The following ANKS1B variants were observed in gnomAD, a reference collection of about 807,000 sequenced individuals.
ANKS1B encodes the protein ankyrin repeat and sterile alpha motif domain-containing protein 1B.
In ANKS1B, 36 loss-of-function variants were observed where a neutral mutation model predicts 148.3. The observed-to-expected ratio is 0.24, with a 90% CI of 0.19 to 0.32. The LOEUF is 0.32. Among genes scored for constraint, ANKS1B ranks in the 10% least tolerant of loss-of-function variants. ANKS1B has a pLI of 1.00. For synonymous variants in ANKS1B, 542 were observed against 560.8 expected (o/e 0.97, Z 0.47); for missense variants, 1,157 against 1,542.6 (o/e 0.75, Z 4.19).
At chr12:99,974,154 T>A (rs1372707751) in intron 1 of ANKS1B, among the ~76,000 whole-genome samples, 1 of 152,240 alleles carries the variant, frequency 6.6e-6, no homozygotes, top group Non-Finnish European at 1.5e-5. Context: ...GACAAGACCT[T>A]CTACCAGCAA....
intron 17 of ANKS1B, among the ~76,000 whole-genome samples, chr12:98,853,436 T>C (rs75692368): frequency 2.6e-5 from 4 of 152,072 alleles, no homozygotes; most frequent in Non-Finnish European, 5.9e-5. Context: ...TCTTGGCCCA[T>C]CACAACGTAA....
chr12:99,816,552 A>G (rs1224978943), intron 2 of ANKS1B, among the ~76,000 whole-genome samples: 1 of 151,692 alleles, frequency 6.6e-6, no homozygotes, highest in African/African-American at 2.4e-5. Context: ...TAAAATTAAA[A>G]TTTATTTTCA....
At chr12:99,493,719 G>C (rs983758402) in intron 10 of ANKS1B, among the ~76,000 whole-genome samples, 1 of 152,194 alleles carries the variant, frequency 6.6e-6, no homozygotes, top group Non-Finnish European at 1.5e-5. Context: ...TGAAGAAAAG[G>C]TTTGGGGGGA....
At chr12:99,091,576 G>A (rs968768631) in intron 15 of ANKS1B, among the ~76,000 whole-genome samples, 13 of 152,178 alleles carry the variant, frequency 8.5e-5, no homozygotes, top group African/African-American at 3.1e-4. Flanking sequence ...GCTCCTTCAA[G>A]TAAGAAGAAA....
rs541715047 is a variant in ANKS1B at position 99,505,272 on chromosome 12, A to G, written c.1273-631T>C. Among the ~76,000 whole-genome samples, 4 of 152,210 alleles carry G rather than the reference A, an allele frequency of 2.6e-5. No homozygotes were observed. The South Asian group carries it at 8.3e-4, about 32-fold the overall frequency. ...GCCTGGGACATTGATCATATCATTG[A>G]GCTGCTCAAATAGACCCAGGGCCAG... On this transcript the variant is annotated intron_variant, in intron 9 of 26. Transcript: ENST00000683438.
chr12:99,188,030 G>C lies in ANKS1B; in HGVS notation c.2420-33635C>G, dbSNP rs181758968. ...AAGCAAATGGAAAGCAAAAAAAAAA[G>C]CAGGGGTTGCAATCCTAGTCTCTGA... On this transcript the variant is annotated intron_variant, in intron 14 of 26. Coordinates refer to ENST00000683438, the MANE Select transcript of ANKS1B (RefSeq NM_001352186.2). Among the ~76,000 whole-genome samples, 1,203 of 151,646 alleles carry C rather than the reference G, an allele frequency of 7.9e-3. 19 individuals carry two copies. The highest frequency in any genetic ancestry group is 0.028 in the African/African-American group (1,155 of 41,356).
intron 15 of ANKS1B, among the ~76,000 whole-genome samples, chr12:99,105,674 C>G (rs1250404822): frequency 1.4e-5 from 2 of 145,574 alleles, no homozygotes; most frequent in African/African-American, 5.1e-5. Context: ...TAGGCTGAGG[C>G]AGGAGAATAG....
chr12:99,125,993 G>A, intron 15 of ANKS1B, among the ~76,000 whole-genome samples: 1 of 151,946 alleles, frequency 6.6e-6, no homozygotes, highest in Non-Finnish European at 1.5e-5. Flanking sequence ...AACACTTTTT[G>A]ATACTACCTA....
chr12:99,608,943 G>A (rs1180254768), intron 9 of ANKS1B, among the ~76,000 whole-genome samples: 1 of 152,068 alleles, frequency 6.6e-6, no homozygotes, highest in Non-Finnish European at 1.5e-5. Context: ...GGATACAGGA[G>A]CAGAAGAAAT....
At chr12:99,513,541 C>T (rs1427907390) in intron 9 of ANKS1B, among the ~76,000 whole-genome samples, 2 of 151,962 alleles carry the variant, frequency 1.3e-5, no homozygotes, top group East Asian at 3.9e-4. Context: ...AAATTTGAAA[C>T]ATTTTGTTAA....
intron 1 of ANKS1B, among the ~76,000 whole-genome samples, chr12:99,928,728 C>T (rs1204103893): frequency 2.0e-5 from 3 of 152,194 alleles, no homozygotes; most frequent in Non-Finnish European, 4.4e-5. Context: ...AAAAAGCTAA[C>T]ACACATATAC....
intron 10 of ANKS1B, among the ~76,000 whole-genome samples, chr12:99,483,943 G>A (rs1400698856): frequency 6.6e-6 from 1 of 151,828 alleles, no homozygotes; most frequent in East Asian, 1.9e-4. Context: ...ATTTTTCAAA[G>A]AATCAGCTTT....
intron 19 of ANKS1B, among the ~76,000 whole-genome samples, chr12:98,808,759 T>A (rs1252862732): frequency 1.3e-5 from 2 of 152,158 alleles, no homozygotes; most frequent in Admixed American, 6.5e-5. Flanking sequence ...GCTTGACCCA[T>A]CCCAAGTTCT....
chr12:99,068,106 G>A (rs1370188361), intron 16 of ANKS1B, among the ~76,000 whole-genome samples: 2 of 151,736 alleles, frequency 1.3e-5, no homozygotes, highest in Admixed American at 1.3e-4. Flanking sequence ...TGTATATCTA[G>A]GACAATATAT....
intron 1 of ANKS1B, among the ~76,000 whole-genome samples, chr12:99,938,842 AGCCATCAGG>A (rs1208011968): frequency 6.6e-6 from 1 of 152,176 alleles, no homozygotes; most frequent in Admixed American, 6.5e-5. Context: ...GCTCAGAATG[AGCCATCAGG>A]CCTGTTAGGT....
intron 14 of ANKS1B, among the ~76,000 whole-genome samples, chr12:99,183,701 G>A (rs1258287442): frequency 6.6e-6 from 1 of 152,106 alleles, no homozygotes; most frequent in Non-Finnish European, 1.5e-5. Flanking sequence ...GGGAAATAGA[G>A]GGCAAAGCAG....
intron 9 of ANKS1B, among the ~76,000 whole-genome samples, chr12:99,505,156 G>A (rs2096696795): frequency 2.0e-5 from 3 of 152,058 alleles, no homozygotes; most frequent in African/African-American, 7.2e-5. Flanking sequence ...TTTGATATCT[G>A]GAGCTAGGGC....
At chr12:99,919,724 T>C (rs1459019446) in intron 1 of ANKS1B, among the ~76,000 whole-genome samples, 1 of 145,268 alleles carries the variant, frequency 6.9e-6, no homozygotes, top group Admixed American at 7.1e-5. Flanking sequence ...TAGCCACAGG[T>C]GGCAAATTGA....
intron 15 of ANKS1B, among the ~76,000 whole-genome samples, chr12:99,115,030 T>A (rs2061066744): frequency 6.6e-6 from 1 of 152,204 alleles, no homozygotes; most frequent in South Asian, 2.1e-4. Context: ...GATGGGATCA[T>A]AAATTTGTTC....
Sources: allele counts gnomAD v4.1 joint callset (sites outside exome capture counted in the v4.1 genomes callset), GRCh38; gene constraint gnomAD v4.1.1; transcripts MANE v1.5; gene names NCBI Gene and HGNC (gene_info 2026-07-23, HGNC 2026-07-21).